The following SLC5A4 variants were observed in gnomAD, a reference collection of about 807,000 sequenced individuals.
SLC5A4 encodes probable glucose sensor protein SLC5A4.
A neutral mutation model predicts 70.3 loss-of-function variants in SLC5A4; 55 were observed. That is an observed-to-expected ratio of 0.78 (90% CI 0.63 to 0.98). SLC5A4 has a LOEUF of 0.98. SLC5A4 is among the 50% of genes least tolerant of loss of function. SLC5A4 has a pLI of 0.00. For missense variants in SLC5A4, 735 were observed against 839.2 expected, an observed-to-expected ratio of 0.88 and a Z score of 1.53; for synonymous variants, 268 against 305.7, an observed-to-expected ratio of 0.88 and a Z score of 1.29.
At chr22:32,349,983 C>T in the SLC5A4 span, among the ~76,000 whole-genome samples, 3 of 152,116 alleles carry the variant, frequency 2.0e-5, no homozygotes, top group African/African-American at 4.8e-5. Context: ...TTCTGATGCC[C>T]GCCCTCAACA....
At chr22:32,301,533 A>G in the SLC5A4 span, among the ~76,000 whole-genome samples, 1 of 152,228 alleles carries the variant, frequency 6.6e-6, no homozygotes, top group Non-Finnish European at 1.5e-5. Context: ...TAAATAAATA[A>G]AAAGACATCC....
the SLC5A4 span, among the ~76,000 whole-genome samples, chr22:32,351,017 T>A: frequency 6.6e-6 from 1 of 152,296 alleles, no homozygotes; most frequent in Non-Finnish European, 1.5e-5. Context: ...TGGTTGTGAA[T>A]CTTGCCCTAA....
chr22:32,331,026 T>TGTGTTTGGGGCTCTGGTGTTTTTGA, the SLC5A4 span, among the ~76,000 whole-genome samples: 1 of 137,598 alleles, frequency 7.3e-6, no homozygotes, highest in Non-Finnish European at 1.6e-5. Flanking sequence ...GGTGTGTGTG[T>TGTGTTTGGGGCTCTGGTGTTTTTGA]GTGTTGGAGG....
At chr22:32,303,988 C>T in the SLC5A4 span, among the ~76,000 whole-genome samples, 1 of 152,086 alleles carries the variant, frequency 6.6e-6, no homozygotes, top group Non-Finnish European at 1.5e-5. Context: ...GGATTTTGGC[C>T]ATTCTAATAG....
upstream of SLC5A4, among the ~76,000 whole-genome samples, chr22:32,258,812 A>G (rs1365764646): frequency 1.3e-5 from 2 of 152,268 alleles, no homozygotes; most frequent in African/African-American, 4.8e-5. Flanking sequence ...CAAAAGATAC[A>G]GAAACAACCT....
the SLC5A4 span, among the ~76,000 whole-genome samples, chr22:32,300,769 G>A: frequency 8.5e-4 from 130 of 152,262 alleles, no homozygotes; most frequent in Middle Eastern, 3.4e-3. Flanking sequence ...TCCATGTTAT[G>A]AATGTACTAC....
At position 32,254,152 on chromosome 22, in the gene SLC5A4, G is replaced by T; in HGVS notation, c.197C>A (p.Ala66Asp). Residue 66 changes from alanine to aspartate, a missense_variant, in exon 2 of 15, where the codon GCC (alanine) becomes GAC (aspartate). Coordinates refer to ENST00000266086, the MANE Select transcript of SLC5A4 (RefSeq NM_014227.3). ...CTTCGATCCACTTACCGGCCACCAG[G>T]CCATATCACGACCAGCGAGGAAGAA... ...GGFFLAGRDM[A>D]WWPMGASLFA... 6.2e-7 allele frequency: 1 copy of T among 1,613,412 alleles called. No homozygotes were observed. Among genetic ancestry groups the T allele is most frequent in the Non-Finnish European group, 8.5e-7 (1 of 1,179,404 alleles).
At chr22:32,276,488 A>C in the SLC5A4 span, among the ~76,000 whole-genome samples, 1 of 152,254 alleles carries the variant, frequency 6.6e-6, no homozygotes. Context: ...CCAAGAGAAC[A>C]AACTATTTTC....
At chr22:32,238,465 G>A (rs184911061) in intron 6 of SLC5A4, among the ~76,000 whole-genome samples, 57 of 152,136 alleles carry the variant, frequency 3.7e-4, no homozygotes, top group African/African-American at 1.3e-3. Flanking sequence ...TTTTATGTTA[G>A]TATGCATGAG....
the SLC5A4 span, among the ~76,000 whole-genome samples, chr22:32,292,916 T>C: frequency 6.6e-6 from 1 of 152,204 alleles, no homozygotes; most frequent in East Asian, 1.9e-4. Context: ...TTCTTATAGT[T>C]CTATCAGTTT....
At chr22:32,256,689 T>C (rs1227933815), upstream of SLC5A4, among the ~76,000 whole-genome samples, 1 of 152,220 alleles carries the variant, frequency 6.6e-6, no homozygotes, top group Non-Finnish European at 1.5e-5. Context: ...TCCTCTTTGG[T>C]TTATTTCACT....
the SLC5A4 span, among the ~76,000 whole-genome samples, chr22:32,295,115 C>A: frequency 9.3e-6 from 1 of 107,170 alleles, no homozygotes; most frequent in East Asian, 2.4e-4. Flanking sequence ...AATAATGCCA[C>A]AATAAACATA....
the SLC5A4 span, among the ~76,000 whole-genome samples, chr22:32,347,692 C>G: frequency 9.1e-6 from 1 of 110,446 alleles, no homozygotes; most frequent in Non-Finnish European, 1.7e-5. Context: ...ACATCACACA[C>G]TGGGGACTGT....
At chr22:32,349,966 A>T in the SLC5A4 span, among the ~76,000 whole-genome samples, 1 of 151,886 alleles carries the variant, frequency 6.6e-6, no homozygotes, top group Non-Finnish European at 1.5e-5. Context: ...CTCTTTCCCC[A>T]ACTAATTTCT....
chr22:32,331,557 C>T, the SLC5A4 span, among the ~76,000 whole-genome samples: 4,138 of 152,204 alleles, frequency 0.027, 119 homozygotes, highest in Admixed American at 0.085. Context: ...AAGAAGCTGG[C>T]GGGCAACCCA....
At chr22:32,274,717 T>G in the SLC5A4 span, among the ~76,000 whole-genome samples, 1 of 152,226 alleles carries the variant, frequency 6.6e-6, no homozygotes, top group African/African-American at 2.4e-5. Flanking sequence ...GAACATGTGC[T>G]GCGATTAAGT....
chr22:32,306,205 C>G, the SLC5A4 span, among the ~76,000 whole-genome samples: 1 of 152,200 alleles, frequency 6.6e-6, no homozygotes, highest in Non-Finnish European at 1.5e-5. Context: ...GTGGCTCACG[C>G]CTGTAATCCC....
At chr22:32,325,978 G>A in the SLC5A4 span, among the ~76,000 whole-genome samples, 5 of 152,384 alleles carry the variant, frequency 3.3e-5, no homozygotes, top group East Asian at 7.7e-4. Context: ...ATCGGAAGCA[G>A]GGCCCACGGG....
the SLC5A4 span, among the ~76,000 whole-genome samples, chr22:32,292,185 ATAATACATAC>A: frequency 1.8e-5 from 1 of 55,626 alleles, no homozygotes; most frequent in African/African-American, 7.3e-5. Flanking sequence ...GATATTATAT[ATAATACATAC>A]TAGATATTAT....
Sources: allele counts gnomAD v4.1 joint callset (sites outside exome capture counted in the v4.1 genomes callset), GRCh38; gene constraint gnomAD v4.1.1; transcripts MANE v1.5; gene names NCBI Gene and HGNC (gene_info 2026-07-23, HGNC 2026-07-21).